The following MICU3 variants were observed in gnomAD, a reference collection of about 807,000 sequenced individuals.
MICU3 encodes the protein mitochondrial calcium uptake 3, also known as calcium uptake protein 3, mitochondrial.
A neutral mutation model predicts 66.5 loss-of-function variants in MICU3; 62 were observed. The ratio of observed to expected loss-of-function variants is 0.93; its 90% CI spans 0.76 to 1.15. The LOEUF is 1.15. Ranked by LOEUF, MICU3 falls within the 50% of genes most tolerant of loss-of-function variation. The pLI is 0.00. For missense variants in MICU3, 779 were observed against 664.4 expected (o/e 1.17, Z -1.90); for synonymous variants, 308 against 240.7 (o/e 1.28, Z -2.59).
rs752211068 is a variant in MICU3 at position 17,064,135 on chromosome 8, C to A, written c.433C>A (p.Arg145=). ...AGACTTAGACCTTTATGCCACATCT[C>A]GGGAGAGGCGATTTCGTTTATTTGC... The part of the protein sequence containing the change: ...IEDLDLYATS[R]ERRFRLFASI... The change falls in exon 2 of 15, where the codon CGG becomes AGG. Residue 145 remains arginine, a synonymous_variant. Coordinates refer to ENST00000318063, the MANE Select transcript of MICU3 (RefSeq NM_181723.3). 4.3e-6 allele frequency: 7 copies of A among 1,613,012 alleles called. No homozygotes were observed. The highest frequency in any genetic ancestry group is 5.9e-6 in the Non-Finnish European group (7 of 1,179,396).
At chr8:17,105,271 A>T in intron 10 of MICU3, 142 bp from the exon 11 acceptor site, 1 of 551,578 alleles carries the variant, frequency 1.8e-6, no homozygotes. Context: ...ATTCTCATTT[A>T]CAGGGAGGAA....
At chr8:17,094,069 C>T (rs7845597) in intron 8 of MICU3, among the ~76,000 whole-genome samples, 21,982 of 151,906 alleles carry the variant, frequency 0.14, 2,085 homozygotes, top group East Asian at 0.38. Context: ...CACTTACTTG[C>T]TTTGTTCTGT....
chr8:17,035,731 G>C (rs1812859072), intron 1 of MICU3, among the ~76,000 whole-genome samples: 3 of 152,220 alleles, frequency 2.0e-5, no homozygotes, highest in Admixed American at 6.5e-5. Flanking sequence ...GGAATTGGAA[G>C]TTATGTTTAA....
intron 8 of MICU3, among the ~76,000 whole-genome samples, 178 bp from the exon 9 acceptor site, chr8:17,098,280 G>A (rs1800931070): frequency 6.6e-6 from 1 of 151,714 alleles, no homozygotes; most frequent in Non-Finnish European, 1.5e-5. Context: ...TTGAAAGTAT[G>A]TGAGTTACCA....
chr8:17,132,641 T>G, the MICU3 span: 7 of 152,230 alleles, frequency 4.6e-5, no homozygotes, highest in Non-Finnish European at 8.8e-5. Context: ...GAGTCCAGAA[T>G]AGCCAAATGG....
rs1302332315 is a variant in MICU3, at chr8:17,049,614, A to G, written c.382-14470A>G. On this transcript the variant is annotated intron_variant, in intron 1 of 14. Transcript: ENST00000318063. ...AGGAAGGGATGAAGCTGGCATTTGAACGTAGGCCGGAAGGATTGCAAAACC... is the reference window on the plus strand; with the variant it reads ...AGGAAGGGATGAAGCTGGCATTTGAGCGTAGGCCGGAAGGATTGCAAAACC... 5 of 518,760 alleles carry G rather than the reference A, an allele frequency of 9.6e-6. 1 individual carries two copies. The highest frequency in any genetic ancestry group is 7.0e-5 in the South Asian group (5 of 71,464). The allele number at this position is 518,760 out of a possible 1,614,324, so 32.1% of individuals were successfully genotyped here.
In MICU3 at chr8:17,027,241, C is replaced by A. The variant is rs1401318378; in HGVS notation, c.-39C>A. On this transcript the variant is annotated 5_prime_UTR_variant, in exon 1 of 15. Transcript: ENST00000318063. Reference sequence around the variant, plus strand: ...CCCCCCCCGCCCCCGCCCCTCCGTTCTCTGCCCCCTCCCAGCTCTGGTGTG... The same window carrying A: ...CCCCCCCCGCCCCCGCCCCTCCGTTATCTGCCCCCTCCCAGCTCTGGTGTG... 1.3e-6 allele frequency: 1 copy of A among 763,888 alleles called. No individual in the cohort carries two copies. Among genetic ancestry groups the A allele is most frequent in the Non-Finnish European group, 1.7e-6 (1 of 577,142 alleles). 47.3% of individuals were successfully genotyped at this position (763,888 alleles called of 1,614,324 possible). A position where few individuals can be genotyped will look rare whatever the true frequency, so the allele number is the denominator to read the frequency against.
downstream of MICU3, among the ~76,000 whole-genome samples, chr8:17,123,133 T>C (rs1402214926): frequency 6.6e-6 from 1 of 152,102 alleles, no homozygotes; most frequent in African/African-American, 2.4e-5. Context: ...ATCACTGTGG[T>C]TTGTAAAAAA....
At chr8:17,118,423 T>C (rs1802898425) in intron 13 of MICU3, among the ~76,000 whole-genome samples, 1 of 152,208 alleles carries the variant, frequency 6.6e-6, no homozygotes, top group African/African-American at 2.4e-5. Context: ...ATTTTAAATG[T>C]ACTTTTTAAA....
chr8:17,041,211 T>G (rs1814011370), intron 1 of MICU3, among the ~76,000 whole-genome samples: 1 of 151,552 alleles, frequency 6.6e-6, no homozygotes, highest in African/African-American at 2.4e-5. Flanking sequence ...CATCCATTAC[T>G]TAAAGGACCG....
intron 9 of MICU3, 53 bp downstream of exon 9, chr8:17,098,606 AGTC>A (rs1318722232): frequency 1.7e-6 from 2 of 1,177,100 alleles, no homozygotes; most frequent in South Asian, 1.2e-5. Context: ...TTGTTAATCT[AGTC>A]GTCATTTCAT....
intron 1 of MICU3, among the ~76,000 whole-genome samples, chr8:17,045,187 GTAGA>G (rs1311135199): frequency 6.6e-6 from 1 of 152,074 alleles, no homozygotes; most frequent in Non-Finnish European, 1.5e-5. Context: ...ATGTTATGAG[GTAGA>G]TAGATAACAT....
chr8:17,109,437 G>A (rs185666230), intron 11 of MICU3, among the ~76,000 whole-genome samples: 4 of 152,082 alleles, frequency 2.6e-5, no homozygotes, highest in Non-Finnish European at 4.4e-5. Flanking sequence ...ATGTCTTTCA[G>A]TAAGTCACTG....
chr8:17,101,958 G>T (rs571689737), intron 9 of MICU3, among the ~76,000 whole-genome samples: 1 of 151,974 alleles, frequency 6.6e-6, no homozygotes, highest in Admixed American at 6.6e-5. Context: ...ATTTAAATGT[G>T]TTATCCTTAC....
chr8:17,094,586 T>G (rs1306952311), intron 8 of MICU3, among the ~76,000 whole-genome samples: 1 of 152,042 alleles, frequency 6.6e-6, no homozygotes, highest in Non-Finnish European at 1.5e-5. Flanking sequence ...TATGTTATTT[T>G]GGCAATAAAT....
At position 17,036,538 on chromosome 8, in the gene MICU3, A is replaced by C. The variant is rs182314117; in HGVS notation, c.381+8878A>C. Among the ~76,000 whole-genome samples the C allele has an allele frequency of 3.1e-3, 473 of 152,200 alleles. 3 individuals are homozygous for C. The highest frequency in any genetic ancestry group is 0.011 in the African/African-American group (447 of 41,530). On this transcript the variant is annotated intron_variant, in intron 1 of 14. Transcript: ENST00000318063. ...CGTTTACAATCCCTGAGCTAGATAC[A>C]AAGGTTCTCCACATCCCCATCAGAT... is the stretch of plus-strand genomic sequence containing the variant.
Position 17,114,164 on chromosome 8 carries a change from G to C in MICU3, c.1329G>C (p.Leu443=). ...LNNLEDFAIA[L]NMYNFASRSI... Reference sequence around the variant, plus strand: ...ACCTAGAAGACTTTGCAATAGCCCTGAATATGTATAACTTTGCAAGTCGTT... The same window carrying C: ...ACCTAGAAGACTTTGCAATAGCCCTCAATATGTATAACTTTGCAAGTCGTT... Residue 443 remains leucine, a synonymous_variant, in exon 12 of 15, where the codon CTG becomes CTC. Coordinates refer to ENST00000318063, the MANE Select transcript of MICU3 (RefSeq NM_181723.3). 6.2e-7 allele frequency: 1 copy of C among 1,611,998 alleles called. No individual in the cohort carries two copies. The highest frequency in any genetic ancestry group is 8.5e-7 in the Non-Finnish European group (1 of 1,178,876).
intron 3 of MICU3, among the ~76,000 whole-genome samples, chr8:17,072,590 G>A (rs1819757453): frequency 6.6e-6 from 1 of 152,194 alleles, no homozygotes; most frequent in East Asian, 1.9e-4. Context: ...GGGAGGATAT[G>A]CATGCAACAT....
intron 2 of MICU3, among the ~76,000 whole-genome samples, chr8:17,067,181 A>T (rs1472609020): frequency 6.6e-6 from 1 of 152,200 alleles, no homozygotes; most frequent in African/African-American, 2.4e-5. Context: ...ACAATGTTTC[A>T]TGTACTGAGT....
Sources: gnomAD v4.1 joint callset for allele counts (sites outside exome capture counted in the v4.1 genomes callset) on GRCh38, gnomAD v4.1.1 for gene constraint, MANE v1.5 for transcripts, NCBI Gene and HGNC (gene_info 2026-07-23, HGNC 2026-07-21) for gene names.